Variants in EPHA7 observed in about 807,000 individuals in gnomAD.
The protein encoded by EPHA7 is EPH receptor A7.
Under a neutral mutation model 112.6 loss-of-function variants are expected in EPHA7, and 25 were observed. The ratio of observed to expected loss-of-function variants is 0.22; its 90% CI spans 0.16 to 0.31. The LOEUF is 0.31. EPHA7 is among the 10% of genes least tolerant of loss of function. The pLI is 1.00. For synonymous variants in EPHA7, 437 were observed against 406.5 expected (o/e 1.07, Z -0.90); for missense variants, 962 against 1,212.6 (o/e 0.79, Z 3.07).
At chr6:93,261,956 A>G (rs1770706412) in intron 9 of EPHA7, among the ~76,000 whole-genome samples, 1 of 151,540 alleles carries the variant, frequency 6.6e-6, no homozygotes, top group South Asian at 2.1e-4. Flanking sequence ...CTGCAAGTTA[A>G]AAGTAAATAA....
intron 3 of EPHA7, among the ~76,000 whole-genome samples, chr6:93,377,676 A>C (rs1777131164): frequency 6.6e-6 from 1 of 152,074 alleles, no homozygotes; most frequent in Non-Finnish European, 1.5e-5. Context: ...TCTCCCTCCA[A>C]ATTTGTCATT....
rs1235698037 is a variant in EPHA7 at position 93,414,736 on chromosome 6, T to C, written c.129A>G (p.Thr43=). The change falls in exon 2 of 17, where the codon ACA becomes ACG. Residue 43 remains threonine (T), a synonymous_variant. Transcript: ENST00000369303. ...VLLLDSKAQQ[T]ELEWISSPPN... ...GTGGAGAGGAAATCCACTCCAACTC[T>C]GTTTGTTGTGCTTTAGAATCCAGCA... 1.9e-6 allele frequency: 3 copies of C among 1,612,588 alleles called. No individual in the cohort carries two copies. In the African/African-American group the frequency reaches 4.0e-5, roughly 22 times the overall value.
rs184202831 is a variant in EPHA7, at chr6:93,265,646, A to C, written c.1634-944T>G. Among the ~76,000 whole-genome samples the C allele has an allele frequency of 1.1e-4, 17 of 151,862 alleles. No homozygotes were observed. The East Asian group carries it at 3.3e-3, about 29-fold the overall frequency. On this transcript the variant is annotated intron_variant, in intron 7 of 16. Coordinates refer to ENST00000369303, the MANE Select transcript of EPHA7 (RefSeq NM_004440.4). ...TAAAATCATCAAGGACATATGAAACAATGAAAATGAATATTCCAATAAATG... is the reference window on the plus strand; with the variant it reads ...TAAAATCATCAAGGACATATGAAACCATGAAAATGAATATTCCAATAAATG...
chr6:93,342,548 T>C lies in EPHA7; in HGVS notation c.1324+14169A>G, dbSNP rs896449922. ...ATAAAGGCATGCTGGAGTAATCAAA[T>C]AGAGTTATAAATTAGATAAATAGAA... is the stretch of plus-strand genomic sequence containing the variant. On this transcript the variant is annotated intron_variant, in intron 5 of 16. Coordinates refer to ENST00000369303, the MANE Select transcript of EPHA7 (RefSeq NM_004440.4). Among the ~76,000 whole-genome samples, 5 of 151,730 alleles carry C rather than the reference T, an allele frequency of 3.3e-5. No individual in the cohort carries two copies. In the Admixed American group the frequency reaches 3.3e-4, roughly 10 times the overall value.
At chr6:93,382,360 C>G (rs1409390265) in intron 3 of EPHA7, among the ~76,000 whole-genome samples, 1 of 152,044 alleles carries the variant, frequency 6.6e-6, no homozygotes, top group African/African-American at 2.4e-5. Context: ...CAGTAAGGTT[C>G]GTACTCCTAT....
chr6:93,391,635 T>A lies in EPHA7; in HGVS notation c.832+18866A>T, dbSNP rs376819688. On this transcript the variant is annotated intron_variant, in intron 3 of 16. Transcript: ENST00000369303. ...TCTTGACCTGAGAAAATTATCTATA[T>A]ATTTATGAATATATCTATAGGTTTA... 5.9e-5 allele frequency among the ~76,000 whole-genome samples: 9 copies of A among 152,044 alleles called. No homozygotes were observed. In the East Asian group the frequency reaches 9.7e-4, roughly 16 times the overall value.
intron 5 of EPHA7, among the ~76,000 whole-genome samples, chr6:93,354,209 G>A (rs1260789080): frequency 6.6e-6 from 1 of 151,964 alleles, no homozygotes. Context: ...TTTGAACTCG[G>A]ACAAAGTCTC....
At chr6:93,248,903 A>G (rs1446502912) in intron 14 of EPHA7, among the ~76,000 whole-genome samples, 1 of 152,192 alleles carries the variant, frequency 6.6e-6, no homozygotes, top group Non-Finnish European at 1.5e-5. Flanking sequence ...ATACTAGAAA[A>G]AGTATTTTTC....
intron 3 of EPHA7, among the ~76,000 whole-genome samples, chr6:93,363,044 C>A (rs994233979): frequency 6.6e-6 from 1 of 152,114 alleles, no homozygotes. Flanking sequence ...ACATACTTCA[C>A]ACCATCCTGA....
chr6:93,322,651 A>G (rs1161798735), intron 5 of EPHA7, among the ~76,000 whole-genome samples: 1 of 151,694 alleles, frequency 6.6e-6, no homozygotes, highest in Non-Finnish European at 1.5e-5. Context: ...ACTGAATTAG[A>G]GAGGCATACT....
At chr6:93,418,732 C>A (rs947152762) in intron 1 of EPHA7, among the ~76,000 whole-genome samples, 17 of 152,316 alleles carry the variant, frequency 1.1e-4, no homozygotes, top group African/African-American at 4.1e-4. Context: ...GTAACCCGAG[C>A]TTTCCGAGCT....
chr6:93,252,188 A>G (rs1770248126), intron 14 of EPHA7, among the ~76,000 whole-genome samples: 1 of 151,968 alleles, frequency 6.6e-6, no homozygotes, highest in Non-Finnish European at 1.5e-5. Flanking sequence ...TCCAGCATTC[A>G]GCCTGGAACT....
intron 5 of EPHA7, among the ~76,000 whole-genome samples, chr6:93,328,739 T>C (rs1416637988): frequency 6.6e-6 from 1 of 151,320 alleles, no homozygotes; most frequent in Non-Finnish European, 1.5e-5. Context: ...CGAATTCTCA[T>C]AGAAGCCCTA....
intron 3 of EPHA7, among the ~76,000 whole-genome samples, chr6:93,384,734 C>T (rs184363180): frequency 2.6e-5 from 4 of 152,272 alleles, no homozygotes; most frequent in Admixed American, 2.6e-4. Flanking sequence ...TATTCCCTCA[C>T]TTTAATTAGA....
intron 5 of EPHA7, among the ~76,000 whole-genome samples, chr6:93,301,869 C>A (rs1396313700): frequency 6.6e-6 from 1 of 152,160 alleles, no homozygotes; most frequent in Non-Finnish European, 1.5e-5. Flanking sequence ...CATCTCCACA[C>A]AAATCTGCAC....
intron 5 of EPHA7, among the ~76,000 whole-genome samples, chr6:93,327,553 T>C (rs1774383123): frequency 6.6e-6 from 1 of 151,538 alleles, no homozygotes. Flanking sequence ...TCTTCAAACC[T>C]GTCTCTCCCA....
At chr6:93,361,351 G>C (rs1201708158) in intron 3 of EPHA7, among the ~76,000 whole-genome samples, 1 of 151,954 alleles carries the variant, frequency 6.6e-6, no homozygotes, top group South Asian at 2.1e-4. Flanking sequence ...ATGGTGTTGA[G>C]AGTAAAGCCA....
At chr6:93,404,404 T>C (rs1474047348) in intron 3 of EPHA7, among the ~76,000 whole-genome samples, 1 of 151,936 alleles carries the variant, frequency 6.6e-6, no homozygotes. Flanking sequence ...AAAATGTTCC[T>C]CTATAAAGAC....
chr6:93,344,988 C>T (rs916156748), intron 5 of EPHA7, among the ~76,000 whole-genome samples: 10 of 151,512 alleles, frequency 6.6e-5, no homozygotes, highest in Non-Finnish European at 1.0e-4. Flanking sequence ...ACATTTAAGC[C>T]CTACCACCAT....
Sources: allele counts gnomAD v4.1 joint callset (sites outside exome capture counted in the v4.1 genomes callset), GRCh38; gene constraint gnomAD v4.1.1; transcripts MANE v1.5; gene names NCBI Gene and HGNC (gene_info 2026-07-23, HGNC 2026-07-21).